The following RSU1 variants were observed in gnomAD, a reference collection of about 807,000 sequenced individuals.
RSU1 encodes rsu-1.
RSU1 carries 26 observed loss-of-function variants against 31.1 expected under a neutral mutation model. That is an observed-to-expected ratio of 0.84 (90% CI 0.61 to 1.16). The LOEUF (loss-of-function observed/expected upper bound fraction) is 1.16, where lower values mean the gene tolerates loss of function less well. Ranked by LOEUF, RSU1 falls within the 50% of genes most tolerant of loss-of-function variation. RSU1 has a pLI of 0.00. For synonymous variants in RSU1, 164 were observed against 136.3 expected (o/e 1.20, Z -1.41); for missense variants, 320 against 339.1 (o/e 0.94, Z 0.44).
chr10:16,753,549 C>G (rs1250574851), intron 5 of RSU1, among the ~76,000 whole-genome samples: 1 of 152,196 alleles, frequency 6.6e-6, no homozygotes, highest in East Asian at 1.9e-4. Flanking sequence ...CGTGTTTCTA[C>G]AGCCTTAAGG....
intron 8 of RSU1, among the ~76,000 whole-genome samples, chr10:16,668,447 C>T (rs190368238): frequency 5.3e-4 from 81 of 152,254 alleles, no homozygotes; most frequent in African/African-American, 1.8e-3. Context: ...CTAGCTAGAT[C>T]GTCTTGGGTT....
intron 8 of RSU1, among the ~76,000 whole-genome samples, chr10:16,632,756 T>C (rs895381933): frequency 6.6e-6 from 1 of 152,010 alleles, no homozygotes; most frequent in African/African-American, 2.4e-5. Context: ...CTGAGCAACA[T>C]GGCAAAACCT....
At chr10:16,794,785 A>G (rs1038004425) in intron 2 of RSU1, among the ~76,000 whole-genome samples, 3 of 152,252 alleles carry the variant, frequency 2.0e-5, no homozygotes, top group African/African-American at 7.2e-5. Flanking sequence ...AATTCCAACC[A>G]TAATAAAAAT....
intron 8 of RSU1, among the ~76,000 whole-genome samples, chr10:16,685,069 A>C (rs1398440853): frequency 6.6e-6 from 1 of 152,098 alleles, no homozygotes; most frequent in Non-Finnish European, 1.5e-5. Flanking sequence ...CCAACATGGC[A>C]AAACCCCATC....
At chr10:16,598,166 T>C (rs1833653456) in intron 8 of RSU1, among the ~76,000 whole-genome samples, 1 of 152,130 alleles carries the variant, frequency 6.6e-6, no homozygotes, top group South Asian at 2.1e-4. Flanking sequence ...AGGCATGACT[T>C]AGTTAAGAAC....
chr10:16,734,882 C>G (rs1484444381), intron 7 of RSU1, among the ~76,000 whole-genome samples: 1 of 152,064 alleles, frequency 6.6e-6, no homozygotes, highest in Non-Finnish European at 1.5e-5. Context: ...GGATCTTAAT[C>G]CAATATGACT....
chr10:16,778,218 A>C (rs925597326), intron 3 of RSU1, among the ~76,000 whole-genome samples: 1 of 151,954 alleles, frequency 6.6e-6, no homozygotes, highest in African/African-American at 2.4e-5. Context: ...GCTGAAGGTC[A>C]TGTATCTTTA....
chr10:16,740,222 G>C (rs1441671391), intron 7 of RSU1, among the ~76,000 whole-genome samples: 1 of 151,812 alleles, frequency 6.6e-6, no homozygotes, highest in East Asian at 1.9e-4. Context: ...ACTAACAAAT[G>C]AAATCCAGAA....
At chr10:16,725,112 G>A (rs895242258) in intron 7 of RSU1, among the ~76,000 whole-genome samples, 23 of 152,204 alleles carry the variant, frequency 1.5e-4, no homozygotes, top group African/African-American at 4.6e-4. Context: ...GTTTTGGCAT[G>A]TTGATCATTC....
At chr10:16,737,266 CAT>C (rs1303094766) in intron 7 of RSU1, among the ~76,000 whole-genome samples, 3 of 151,418 alleles carry the variant, frequency 2.0e-5, no homozygotes, top group Admixed American at 6.6e-5. Flanking sequence ...ACTATAAACC[CAT>C]ATATGAGACA....
At chr10:16,719,499 T>C (rs1320366312) in intron 7 of RSU1, among the ~76,000 whole-genome samples, 2 of 152,210 alleles carry the variant, frequency 1.3e-5, no homozygotes, top group East Asian at 1.9e-4. Flanking sequence ...ACGTAACTTA[T>C]TTGCTGTCAC....
chr10:16,660,713 C>G (rs1176619336), intron 8 of RSU1, among the ~76,000 whole-genome samples: 1 of 138,828 alleles, frequency 7.2e-6, no homozygotes, highest in African/African-American at 2.8e-5. Flanking sequence ...ATGGCACCAT[C>G]TAGGCTCACT....
chr10:16,799,676 C>A (rs1244294412), intron 2 of RSU1, among the ~76,000 whole-genome samples: 2 of 152,118 alleles, frequency 1.3e-5, no homozygotes, highest in Non-Finnish European at 2.9e-5. Flanking sequence ...AGAGCAACCA[C>A]TGTGAAAGAA....
chr10:16,695,027 T>C lies in RSU1; in HGVS notation c.727A>G (p.Lys243Glu). ...VFEYIRSETY[K>E]YLYGRHMQAN... Reference sequence around the variant, plus strand: ...AGAAAATCAGAGTCTACTTACTATTTGTATGTCTCAGAACGGATATACTCA... The same window carrying C: ...AGAAAATCAGAGTCTACTTACTATTCGTATGTCTCAGAACGGATATACTCA... Residue 243 changes from lysine (K) to glutamate (E), a missense_variant, in exon 8 of 9, where the codon AAA (lysine) becomes GAA (glutamate). By Grantham distance (56) the Lys-to-Glu change is moderately conservative (BLOSUM62 1). Transcript: ENST00000345264. The C allele has an allele frequency of 1.2e-6, 2 of 1,609,666 alleles. No individual in the cohort carries two copies. The highest frequency in any genetic ancestry group is 1.7e-6 in the Non-Finnish European group (2 of 1,178,162).
intron 4 of RSU1, among the ~76,000 whole-genome samples, chr10:16,757,867 T>G (rs556900575): frequency 3.3e-5 from 5 of 152,350 alleles, no homozygotes; most frequent in African/African-American, 9.6e-5. Context: ...AACTGCTGAT[T>G]CCTTAACATT....
intron 8 of RSU1, among the ~76,000 whole-genome samples, chr10:16,692,950 T>G (rs1487687117): frequency 6.6e-6 from 1 of 152,126 alleles, no homozygotes; most frequent in Non-Finnish European, 1.5e-5. Flanking sequence ...TGTATTTCAT[T>G]TTAAGGCCAT....
chr10:16,658,580 C>T lies in RSU1; in HGVS notation c.731+36443G>A, dbSNP rs562327339. Among the ~76,000 whole-genome samples the T allele has an allele frequency of 1.3e-4, 20 of 151,966 alleles. No homozygotes were observed. In the East Asian group the frequency reaches 3.1e-3, roughly 24 times the overall value. Reference sequence around the variant, plus strand: ...CTCTACTAAAAATACAAAAATTAACCGAGCGTGGTGGCAGGCACCTGTAAT... The same window carrying T: ...CTCTACTAAAAATACAAAAATTAACTGAGCGTGGTGGCAGGCACCTGTAAT... On this transcript the variant is annotated intron_variant, in intron 8 of 8. Coordinates refer to ENST00000345264, the MANE Select transcript of RSU1 (RefSeq NM_012425.4).
chr10:16,646,992 T>G (rs11254128), intron 8 of RSU1, among the ~76,000 whole-genome samples: 93,611 of 151,124 alleles, frequency 0.62, 29,412 homozygotes, highest in East Asian at 0.84. Flanking sequence ...TTTTTTTTTT[T>G]TTTTGAGATG....
At chr10:16,754,234 A>C (rs1253615262) in intron 5 of RSU1, among the ~76,000 whole-genome samples, 1 of 152,232 alleles carries the variant, frequency 6.6e-6, no homozygotes, top group Non-Finnish European at 1.5e-5. Flanking sequence ...TAAGGGAAGC[A>C]AACCTTGTCC....
Sources: gnomAD v4.1 joint callset for allele counts (sites outside exome capture counted in the v4.1 genomes callset) on GRCh38, gnomAD v4.1.1 for gene constraint, MANE v1.5 for transcripts, NCBI Gene and HGNC (gene_info 2026-07-23, HGNC 2026-07-21) for gene names.